Variants in ARHGAP15 observed in about 807,000 individuals in gnomAD.
ARHGAP15 encodes the protein Rho GTPase activating protein 15, also known as rho GTPase-activating protein 15.
ARHGAP15 carries 51 observed loss-of-function variants against 63.7 expected under a neutral mutation model. The observed-to-expected ratio is 0.80, with a 90% CI of 0.64 to 1.01. The LOEUF (loss-of-function observed/expected upper bound fraction) is 1.01, where lower values mean the gene tolerates loss of function less well. ARHGAP15 is among the 50% of genes least tolerant of loss of function. ARHGAP15 has a pLI of 0.00. For synonymous variants in ARHGAP15, 191 were observed against 193.8 expected, an observed-to-expected ratio of 0.99 and a Z score of 0.12; for missense variants, 560 against 564.6, an observed-to-expected ratio of 0.99 and a Z score of 0.08.
chr2:143,638,770 A>C (rs536563148), intron 12 of ARHGAP15, among the ~76,000 whole-genome samples: 24 of 151,818 alleles, frequency 1.6e-4, no homozygotes, highest in Non-Finnish European at 2.4e-4. Context: ...ATTTAGAAAG[A>C]ATTTGAATCA....
chr2:143,725,469 A>G (rs921543217), intron 13 of ARHGAP15, among the ~76,000 whole-genome samples: 4 of 152,252 alleles, frequency 2.6e-5, no homozygotes, highest in Non-Finnish European at 4.4e-5. Flanking sequence ...TTATTATCAC[A>G]TCATTATCAC....
chr2:143,742,647 C>T (rs1386829543), intron 13 of ARHGAP15, among the ~76,000 whole-genome samples: 1 of 152,202 alleles, frequency 6.6e-6, no homozygotes, highest in Admixed American at 6.5e-5. Context: ...CCAACTCAAC[C>T]AGTTGCTTTG....
intron 2 of ARHGAP15, among the ~76,000 whole-genome samples, chr2:143,186,927 G>T (rs376247682): frequency 6.6e-6 from 1 of 152,162 alleles, no homozygotes; most frequent in African/African-American, 2.4e-5. Context: ...AGCTTCCCTT[G>T]ATTTGAATAT....
chr2:143,205,088 C>A (rs2105120303), intron 3 of ARHGAP15, among the ~76,000 whole-genome samples: 1 of 151,590 alleles, frequency 6.6e-6, no homozygotes, highest in South Asian at 2.1e-4. Flanking sequence ...ATGGTAAAAC[C>A]CCATCTTTAC....
chr2:143,220,838 T>G (rs183385938), intron 4 of ARHGAP15, among the ~76,000 whole-genome samples: 320 of 151,824 alleles, frequency 2.1e-3, no homozygotes, highest in African/African-American at 7.4e-3. Flanking sequence ...TATTAATAGA[T>G]GCTTACTCTG....
chr2:143,580,469 G>T (rs1006944836), intron 11 of ARHGAP15, among the ~76,000 whole-genome samples: 1 of 151,992 alleles, frequency 6.6e-6, no homozygotes, highest in Admixed American at 6.6e-5. Context: ...TTTCCACCTC[G>T]ATGACTTGCC....
At chr2:143,541,695 A>T (rs1392161125) in intron 10 of ARHGAP15, among the ~76,000 whole-genome samples, 1 of 152,128 alleles carries the variant, frequency 6.6e-6, no homozygotes, top group Non-Finnish European at 1.5e-5. Context: ...AACAGCGGAT[A>T]TTGGTGAACC....
chr2:143,673,748 GTGTGTGTGTGTATATA>G (rs1428376001), intron 12 of ARHGAP15, among the ~76,000 whole-genome samples: 1 of 34,148 alleles, frequency 2.9e-5, no homozygotes, highest in Non-Finnish European at 7.9e-5. Flanking sequence ...GTGTGTGTGT[GTGTGTGTGTGTATATA>G]TATATATATA....
chr2:143,485,138 A>ATAGG (rs781432015), intron 8 of ARHGAP15, among the ~76,000 whole-genome samples: 18 of 152,312 alleles, frequency 1.2e-4, no homozygotes, highest in African/African-American at 4.3e-4. Flanking sequence ...GGTTTGTTAC[A>ATAGG]TAGGTATACA....
intron 9 of ARHGAP15, among the ~76,000 whole-genome samples, chr2:143,496,046 G>A (rs12621113): frequency 0.075 from 11,356 of 152,134 alleles, 651 homozygotes; most frequent in East Asian, 0.22. Flanking sequence ...TTACGTGTGC[G>A]CTGTGTCATG....
intron 2 of ARHGAP15, among the ~76,000 whole-genome samples, chr2:143,197,979 C>A (rs1347867274): frequency 1.8e-5 from 2 of 113,010 alleles, no homozygotes; most frequent in African/African-American, 6.2e-5. Flanking sequence ...CACACACACA[C>A]ACACACACAC....
At chr2:143,367,637 T>C (rs745950899) in intron 6 of ARHGAP15, among the ~76,000 whole-genome samples, 1 of 152,062 alleles carries the variant, frequency 6.6e-6, no homozygotes. Flanking sequence ...TATTTCTTCT[T>C]GTAACCTCCA....
intron 6 of ARHGAP15, among the ~76,000 whole-genome samples, chr2:143,327,203 T>C (rs1237065333): frequency 6.6e-6 from 1 of 152,110 alleles, no homozygotes; most frequent in Non-Finnish European, 1.5e-5. Flanking sequence ...CCACTTACAA[T>C]GGATATGAAG....
intron 6 of ARHGAP15, among the ~76,000 whole-genome samples, chr2:143,299,597 C>CT (rs1186959840): frequency 6.6e-6 from 1 of 151,966 alleles, no homozygotes; most frequent in African/African-American, 2.4e-5. Context: ...TTATCTGCCA[C>CT]TTTTTTCTAC....
At chr2:143,443,243 A>G (rs1333761556) in intron 8 of ARHGAP15, among the ~76,000 whole-genome samples, 1 of 152,208 alleles carries the variant, frequency 6.6e-6, no homozygotes, top group Non-Finnish European at 1.5e-5. Flanking sequence ...AATAAGATGA[A>G]CAAACCATCT....
At chr2:143,190,440 T>G (rs1653693900) in intron 2 of ARHGAP15, among the ~76,000 whole-genome samples, 1 of 152,236 alleles carries the variant, frequency 6.6e-6, no homozygotes, top group Non-Finnish European at 1.5e-5. Context: ...TATTTTTGCC[T>G]CTGACATATC....
intron 13 of ARHGAP15, among the ~76,000 whole-genome samples, chr2:143,721,945 G>A (rs1047973558): frequency 3.9e-5 from 6 of 152,042 alleles, no homozygotes; most frequent in Admixed American, 6.6e-5. Context: ...CCTCGGCCTC[G>A]GCCTCCCAAA....
chr2:143,385,205 C>A (rs1687225701), intron 6 of ARHGAP15, among the ~76,000 whole-genome samples: 1 of 152,052 alleles, frequency 6.6e-6, no homozygotes, highest in Non-Finnish European at 1.5e-5. Context: ...GATCTAGGAC[C>A]ACTTTTGAGT....
At chr2:143,696,272 C>T (rs994516692) in intron 12 of ARHGAP15, among the ~76,000 whole-genome samples, 1 of 151,822 alleles carries the variant, frequency 6.6e-6, no homozygotes, top group Non-Finnish European at 1.5e-5. Context: ...TCTGCCCCTC[C>T]AGATTGTAAA....
Sources: allele counts gnomAD v4.1 joint callset (sites outside exome capture counted in the v4.1 genomes callset), GRCh38; gene constraint gnomAD v4.1.1; transcripts MANE v1.5; gene names NCBI Gene and HGNC (gene_info 2026-07-23, HGNC 2026-07-21).